The following SGIP1 variants were observed in gnomAD, a reference collection of about 807,000 sequenced individuals.
SGIP1 encodes SH3-containing GRB2-like protein 3-interacting protein 1.
Under a neutral mutation model 107.5 loss-of-function variants are expected in SGIP1, and 38 were observed. The observed-to-expected ratio is 0.35, with a 90% confidence interval of 0.27 to 0.46. The LOEUF (loss-of-function observed/expected upper bound fraction) is 0.46. Among genes scored for constraint, SGIP1 ranks in the 20% least tolerant of loss-of-function variants. The probability of loss-of-function intolerance (pLI) is 1.00; values close to 1 mark genes in which losing one functional copy is unlikely to be tolerated. For missense variants in SGIP1, 929 were observed against 1,019.5 expected (o/e 0.91, Z 1.21); for synonymous variants, 365 against 366.1 (o/e 1.00, Z 0.03).
chr1:66,721,905 A>C (rs895509720), intron 19 of SGIP1, among the ~76,000 whole-genome samples: 1 of 152,148 alleles, frequency 6.6e-6, no homozygotes, highest in African/African-American at 2.4e-5. Context: ...AAGTCTCAAC[A>C]TATCATGTCA....
chr1:66,639,421 T>C (rs934423863), intron 4 of SGIP1, among the ~76,000 whole-genome samples: 3 of 152,182 alleles, frequency 2.0e-5, no homozygotes, highest in Non-Finnish European at 4.4e-5. Flanking sequence ...CCATTTAAAA[T>C]ACATATATAC....
chr1:66,704,741 T>A (rs1344359816), intron 18 of SGIP1: 1 of 152,178 alleles, frequency 6.6e-6, no homozygotes, highest in East Asian at 1.9e-4. Flanking sequence ...ACCTCTGACA[T>A]AAATGAATGA....
intron 7 of SGIP1, among the ~76,000 whole-genome samples, chr1:66,652,177 G>GA (rs77695768): frequency 0.14 from 21,170 of 151,912 alleles, 1,551 homozygotes; most frequent in African/African-American, 0.18. Context: ...TGTAAAATGG[G>GA]AAAAAAATTG....
At chr1:66,731,993 G>A (rs1002451108) in intron 20 of SGIP1, among the ~76,000 whole-genome samples, 2 of 152,206 alleles carry the variant, frequency 1.3e-5, no homozygotes, top group African/African-American at 2.4e-5. Flanking sequence ...TTCCATCTCT[G>A]TGTAAGCATT....
At chr1:66,675,040 T>C (rs7519747) in intron 12 of SGIP1, among the ~76,000 whole-genome samples, 101,276 of 152,022 alleles carry the variant, frequency 0.67, 34,867 homozygotes, top group East Asian at 1. Context: ...GGCCTTGCAG[T>C]GAGGCTATCA....
At chr1:66,536,939 C>G (rs1268340603) in intron 1 of SGIP1, among the ~76,000 whole-genome samples, 1 of 152,156 alleles carries the variant, frequency 6.6e-6, no homozygotes, top group African/African-American at 2.4e-5. Context: ...TTGTGTAAAG[C>G]AAGAGTAAAC....
chr1:66,665,489 TA>T (rs1406008389), intron 8 of SGIP1, among the ~76,000 whole-genome samples: 2 of 152,224 alleles, frequency 1.3e-5, no homozygotes, highest in Non-Finnish European at 2.9e-5. Flanking sequence ...ATATACCCAG[TA>T]ATGGGATCAC....
chr1:66,679,839 G>T (rs556414175), intron 14 of SGIP1, 87 bp downstream of exon 14: 2 of 1,204,332 alleles, frequency 1.7e-6, no homozygotes, highest in African/African-American at 3.2e-5. Flanking sequence ...GTTGAAAACT[G>T]TAGGCTACAC....
rs576544895 is a variant in SGIP1, at chr1:66,696,965, G to T, written c.1630+1472G>T. On this transcript the variant is annotated intron_variant, in intron 18 of 24. Coordinates refer to ENST00000371037, the MANE Select transcript of SGIP1 (RefSeq NM_032291.4). ...TAAAGCAATACCTGCATACTTAAAGGCACTTTGGTTCCATCTGGTCACACC... is the reference window on the plus strand; with the variant it reads ...TAAAGCAATACCTGCATACTTAAAGTCACTTTGGTTCCATCTGGTCACACC... Among the ~76,000 whole-genome samples, 16 of 152,280 alleles carry T rather than the reference G, an allele frequency of 1.1e-4. No individual in the cohort carries two copies. The South Asian group carries it at 2.9e-3, about 28-fold the overall frequency.
At chr1:66,679,606 G>A in intron 13 of SGIP1, 72 bp from the exon 14 acceptor site, 1 of 1,474,274 alleles carries the variant, frequency 6.8e-7, no homozygotes, top group Non-Finnish European at 9.2e-7. Flanking sequence ...CCCAAATCCT[G>A]CTTATTTAAA....
At chr1:66,621,438 G>A (rs1248168536) in intron 1 of SGIP1, among the ~76,000 whole-genome samples, 1 of 152,020 alleles carries the variant, frequency 6.6e-6, no homozygotes, top group Non-Finnish European at 1.5e-5. Context: ...TTTTTATCAT[G>A]GTAAAATACA....
intron 1 of SGIP1, among the ~76,000 whole-genome samples, chr1:66,618,509 A>T (rs1434324909): frequency 3.9e-5 from 6 of 152,230 alleles, no homozygotes; most frequent in African/African-American, 1.4e-4. Context: ...CATCATGACC[A>T]TTCTGAAAGA....
intron 15 of SGIP1, among the ~76,000 whole-genome samples, chr1:66,683,351 A>G (rs2087255032): frequency 6.6e-6 from 1 of 152,190 alleles, no homozygotes; most frequent in African/African-American, 2.4e-5. Flanking sequence ...AATAAAGTGT[A>G]AGGTACTTAA....
intron 19 of SGIP1, among the ~76,000 whole-genome samples, chr1:66,728,613 A>G (rs76767025): frequency 0.011 from 1,669 of 152,298 alleles, 21 homozygotes; most frequent in Admixed American, 0.021. Flanking sequence ...TATATTCCCA[A>G]AGAAATATAA....
Position 66,719,408 on chromosome 1 carries a change from A to G in SGIP1, c.1742+3A>G, listed in dbSNP as rs971459354. The G allele has an allele frequency of 1.9e-6, 3 of 1,607,898 alleles. No individual in the cohort carries two copies. In the African/African-American group the frequency reaches 4.0e-5, roughly 22 times the overall value. On this transcript the variant is annotated splice_donor_region_variant and intron_variant, in intron 19 of 24. Coordinates refer to ENST00000371037, the MANE Select transcript of SGIP1 (RefSeq NM_032291.4). The stretch of plus-strand genomic sequence containing the variant: ...TTCAAAGGAGCAGACCCAAGCAAGT[A>G]AGCCTGATACTTGGTCCATTGTACT...
intron 10 of SGIP1, 143 bp downstream of exon 10, chr1:66,671,162 G>T (rs11208942): frequency 0.088 from 35,870 of 407,788 alleles, 2,505 homozygotes; most frequent in East Asian, 0.27. Flanking sequence ...TTACAGCAAA[G>T]AATTCTTGTA....
chr1:66,682,740 G>A (rs1026311161), intron 15 of SGIP1, among the ~76,000 whole-genome samples: 2 of 151,594 alleles, frequency 1.3e-5, no homozygotes, highest in Non-Finnish European at 2.9e-5. Flanking sequence ...CTTGTCGGAT[G>A]CCCCCACAAG....
rs75900600 is a variant in SGIP1 at position 66,641,222 on chromosome 1, G to A, written c.228+1389G>A. Among the ~76,000 whole-genome samples, 90 of 152,176 alleles carry A rather than the reference G, an allele frequency of 5.9e-4. 1 individual carries two copies. The East Asian group carries it at 0.016, about 27-fold the overall frequency. On this transcript the variant is annotated intron_variant, in intron 5 of 24. Transcript: ENST00000371037. ...CTCTTATACACACACACATAAAAAGGGCAACTATGGAAGGTAACAGAAATG... is the reference window on the plus strand; with the variant it reads ...CTCTTATACACACACACATAAAAAGAGCAACTATGGAAGGTAACAGAAATG...
At chr1:66,629,288 G>A (rs2073696677) in intron 2 of SGIP1, among the ~76,000 whole-genome samples, 1 of 152,194 alleles carries the variant, frequency 6.6e-6, no homozygotes. Context: ...CATTACAGCA[G>A]CTGATAGAGG....
Sources: allele counts gnomAD v4.1 joint callset (sites outside exome capture counted in the v4.1 genomes callset), GRCh38; gene constraint gnomAD v4.1.1; transcripts MANE v1.5; gene names NCBI Gene and HGNC (gene_info 2026-07-23, HGNC 2026-07-21).